ADAMTS6: variants seen among roughly 807,000 people sequenced by gnomAD.
The protein encoded by ADAMTS6 is A disintegrin and metalloproteinase with thrombospondin motifs 6.
Under a neutral mutation model 144.3 loss-of-function variants are expected in ADAMTS6, and 23 were observed. The observed-to-expected ratio is 0.16, with a 90% CI of 0.11 to 0.23. The LOEUF (loss-of-function observed/expected upper bound fraction) is 0.23, where lower values mean the gene tolerates loss of function less well. Ranked by LOEUF, ADAMTS6 falls within the 10% of genes least tolerant of loss-of-function variation. The probability of loss-of-function intolerance (pLI) is 1.00; values close to 1 mark genes in which losing one functional copy is unlikely to be tolerated. For synonymous variants in ADAMTS6, 444 were observed against 457.5 expected (o/e 0.97, Z 0.38); for missense variants, 999 against 1,379.6 (o/e 0.72, Z 4.37).
intron 1 of ADAMTS6, among the ~76,000 whole-genome samples, chr5:65,475,784 A>T (rs938969076): frequency 6.6e-5 from 10 of 152,234 alleles, no homozygotes; most frequent in Admixed American, 2.0e-4. Context: ...CTGTGCAAAA[A>T]AACTAACAGG....
intron 7 of ADAMTS6, among the ~76,000 whole-genome samples, chr5:65,348,734 A>C (rs959008281): frequency 2.0e-5 from 3 of 152,142 alleles, no homozygotes; most frequent in African/African-American, 7.2e-5. Context: ...ATATATACAT[A>C]TATCAGAACA....
At chr5:65,373,269 G>A (rs1751160341) in intron 7 of ADAMTS6, among the ~76,000 whole-genome samples, 1 of 151,312 alleles carries the variant, frequency 6.6e-6, no homozygotes, top group African/African-American at 2.4e-5. Context: ...GAGCAGAACT[G>A]AAGGAAATAG....
chr5:65,319,861 GAGA>G (rs1337095864), intron 9 of ADAMTS6, among the ~76,000 whole-genome samples: 2 of 152,138 alleles, frequency 1.3e-5, no homozygotes, highest in African/African-American at 4.8e-5. Context: ...TTGTTTTTCT[GAGA>G]AGGAGTTTCA....
At chr5:65,162,199 A>G (rs980459747) in intron 24 of ADAMTS6, among the ~76,000 whole-genome samples, 2 of 152,240 alleles carry the variant, frequency 1.3e-5, no homozygotes, top group African/African-American at 4.8e-5. Flanking sequence ...AAGTTTATCT[A>G]TAATGATTAT....
intron 7 of ADAMTS6, among the ~76,000 whole-genome samples, chr5:65,418,768 A>G (rs1755765988): frequency 6.6e-6 from 1 of 152,224 alleles, no homozygotes; most frequent in Non-Finnish European, 1.5e-5. Flanking sequence ...AAAAGAGGAC[A>G]TACAAGTGGC....
chr5:65,270,127 A>G (rs1244892144), intron 12 of ADAMTS6, among the ~76,000 whole-genome samples: 1 of 152,102 alleles, frequency 6.6e-6, no homozygotes, highest in Non-Finnish European at 1.5e-5. Context: ...CATCTTTGTC[A>G]TTATTGTTAC....
At chr5:65,193,691 C>T (rs1755152900) in intron 21 of ADAMTS6, among the ~76,000 whole-genome samples, 1 of 152,136 alleles carries the variant, frequency 6.6e-6, no homozygotes. Flanking sequence ...CAAAGACTAA[C>T]ATGTGCTTCC....
intron 7 of ADAMTS6, among the ~76,000 whole-genome samples, chr5:65,378,439 G>A (rs966693290): frequency 2.6e-5 from 4 of 151,900 alleles, no homozygotes; most frequent in African/African-American, 7.3e-5. Context: ...AAAAGTCTCC[G>A]AATTGACCTC....
chr5:65,318,307 G>A (rs919515132), intron 9 of ADAMTS6, among the ~76,000 whole-genome samples: 1 of 152,098 alleles, frequency 6.6e-6, no homozygotes, highest in Non-Finnish European at 1.5e-5. Context: ...CAGCCACTAT[G>A]AAGAACAGTT....
At chr5:65,246,939 T>G (rs1200434181) in intron 14 of ADAMTS6, among the ~76,000 whole-genome samples, 1 of 152,206 alleles carries the variant, frequency 6.6e-6, no homozygotes, top group Non-Finnish European at 1.5e-5. Context: ...AAAACACATT[T>G]TTGTTTTGTT....
chr5:65,172,749 C>T, intron 23 of ADAMTS6, 83 bp downstream of exon 23: 2 of 1,484,030 alleles, frequency 1.3e-6, no homozygotes, highest in South Asian at 2.6e-5. Context: ...ATCTCTCAAG[C>T]CCTTACAATG....
intron 7 of ADAMTS6, chr5:65,415,635 C>T (rs903178887): frequency 6.0e-5 from 18 of 302,484 alleles, no homozygotes; most frequent in African/African-American, 1.6e-4. Context: ...TGATTTTTTT[C>T]GGGGGCTCTC....
At chr5:65,255,967 A>G (rs1432786675) in intron 14 of ADAMTS6, among the ~76,000 whole-genome samples, 1 of 152,168 alleles carries the variant, frequency 6.6e-6, no homozygotes, top group Non-Finnish European at 1.5e-5. Context: ...TCCTGGGTTC[A>G]AGTGATACTC....
At chr5:65,318,625 G>T (rs1745245942) in intron 9 of ADAMTS6, among the ~76,000 whole-genome samples, 1 of 152,148 alleles carries the variant, frequency 6.6e-6, no homozygotes, top group Non-Finnish European at 1.5e-5. Context: ...AATAAGCCAG[G>T]CACAGAGAGA....
intron 7 of ADAMTS6, among the ~76,000 whole-genome samples, chr5:65,376,250 TTAAAG>T (rs1366559983): frequency 6.6e-6 from 1 of 151,770 alleles, no homozygotes; most frequent in African/African-American, 2.4e-5. Flanking sequence ...ACCCTAAAAC[TTAAAG>T]TAAAATAATA....
rs1038612007 is a variant in ADAMTS6, at chr5:65,228,691, G to C, written c.1934-2472C>G. Among the ~76,000 whole-genome samples the C allele has an allele frequency of 3.2e-4, 48 of 152,194 alleles. 1 individual carries two copies. Among genetic ancestry groups the C allele is most frequent in the African/African-American group, 1.0e-3 (42 of 41,460 alleles). On this transcript the variant is annotated intron_variant, in intron 15 of 24. Coordinates refer to ENST00000381055, the MANE Select transcript of ADAMTS6 (RefSeq NM_197941.4). ...AAGGCAGCACAGCTCAGTGAAAAGA[G>C]AGACTCCCTGCCACCCTCCCCAGCC...
rs749721000 is a variant in ADAMTS6, at chr5:65,151,640, A to T, written c.*196T>A. ...ATTCCCTCCTAATACCGTGTCCAGC[A>T]CTTTGGATCAATAAATCCCACTTCA... is the stretch of plus-strand genomic sequence containing the variant. On this transcript the variant is annotated 3_prime_UTR_variant, in exon 25 of 25. Transcript: ENST00000381055. 1.6e-4 allele frequency: 85 copies of T among 531,948 alleles called. No homozygotes were observed. The highest frequency in any genetic ancestry group is 4.9e-4 in the Middle Eastern group (1 of 2,028). 33.0% of individuals were successfully genotyped at this position (531,948 alleles called of 1,614,324 possible). A position where few individuals can be genotyped will look rare whatever the true frequency, so the allele number is the denominator to read the frequency against.
intron 7 of ADAMTS6, among the ~76,000 whole-genome samples, chr5:65,358,263 A>G (rs908820183): frequency 6.6e-6 from 1 of 151,988 alleles, no homozygotes; most frequent in Non-Finnish European, 1.5e-5. Flanking sequence ...GACAAAATCA[A>G]CAATCTTTCT....
intron 7 of ADAMTS6, among the ~76,000 whole-genome samples, chr5:65,401,813 G>C (rs1753939982): frequency 6.6e-6 from 1 of 152,146 alleles, no homozygotes; most frequent in Non-Finnish European, 1.5e-5. Context: ...GTACTGTTAG[G>C]ATAGAGTGGC....
Sources: allele counts gnomAD v4.1 joint callset (sites outside exome capture counted in the v4.1 genomes callset), GRCh38; gene constraint gnomAD v4.1.1; transcripts MANE v1.5; gene names NCBI Gene and HGNC (gene_info 2026-07-23, HGNC 2026-07-21).